Variants in ZNF185 observed in about 807,000 individuals in gnomAD.
ZNF185 encodes the protein zinc finger protein 185.
ZNF185 carries 56 observed loss-of-function variants against 58.6 expected under a neutral mutation model. The observed-to-expected ratio is 0.95, with a 90% CI of 0.77 to 1.19. The LOEUF is 1.19. Ranked by LOEUF, ZNF185 falls within the 50% of genes most tolerant of loss-of-function variation. The probability of loss-of-function intolerance (pLI) is 0.00; values close to 1 mark genes in which losing one functional copy is unlikely to be tolerated. For missense variants in ZNF185, 627 were observed against 573.5 expected, an observed-to-expected ratio of 1.09 and a Z score of -0.95; for synonymous variants, 230 against 215.9, an observed-to-expected ratio of 1.07 and a Z score of -0.57.
In ZNF185 at chrX:152,945,598, G is replaced by C. The variant is rs111961915; in HGVS notation, c.1409+134G>C. On this transcript the variant is annotated intron_variant, in intron 16 of 22. Coordinates refer to ENST00000449285, the Ensembl canonical transcript of ZNF185. ...TTGCACACCCAGGCTCCTGTTCTGTGAGTGGGTCATGGTGATTCCCTGGTC... is the reference window on the plus strand; with the variant it reads ...TTGCACACCCAGGCTCCTGTTCTGTCAGTGGGTCATGGTGATTCCCTGGTC... 0.015 allele frequency: 10,935 copies of C among 740,964 alleles called. 757 individuals carry two copies. In the African/African-American group the frequency reaches 0.21, roughly 14 times the overall value. The allele number at this position is 740,964 out of a possible 1,213,427, so 61.1% of individuals were successfully genotyped here.
chrX:152,921,674 G>C (rs1939757151), intron 9 of ZNF185, among the ~76,000 whole-genome samples: 1 of 111,339 alleles, frequency 9.0e-6, no homozygotes, highest in African/African-American at 3.3e-5. Context: ...TAGCAGGGTG[G>C]GTTCCTTCTG....
the ZNF185 span, among the ~76,000 whole-genome samples, chrX:152,906,647 CTGA>C: frequency 8.9e-6 from 1 of 112,739 alleles, no homozygotes; most frequent in African/African-American, 3.2e-5. Flanking sequence ...CCACACAGAT[CTGA>C]GCTGTGAGTG....
At chrX:152,899,706 A>G in the ZNF185 span, among the ~76,000 whole-genome samples, 1 of 111,919 alleles carries the variant, frequency 8.9e-6, no homozygotes. Context: ...GCATGAAAAC[A>G]TTAGGGGTTC....
At chrX:152,921,329 G>A (rs1292155742) in intron 9 of ZNF185, among the ~76,000 whole-genome samples, 3 of 111,517 alleles carry the variant, frequency 2.7e-5, no homozygotes, top group Non-Finnish European at 5.7e-5. Flanking sequence ...TGAGTGGACA[G>A]GGAAGGCCTC....
chrX:152,936,015 C>G (rs1352254485), intron 14 of ZNF185, among the ~76,000 whole-genome samples: 1 of 112,564 alleles, frequency 8.9e-6, no homozygotes, highest in Non-Finnish European at 1.9e-5. Context: ...CCTGTGGTAA[C>G]AGGAACACAT....
chrX:152,935,389 C>T (rs934915823), intron 14 of ZNF185, among the ~76,000 whole-genome samples: 4 of 109,489 alleles, frequency 3.7e-5, no homozygotes, highest in Admixed American at 9.7e-5. Flanking sequence ...GCGCCCGCCA[C>T]CACGCCCGGC....
chrX:152,905,901 G>T, the ZNF185 span, among the ~76,000 whole-genome samples: 2 of 111,687 alleles, frequency 1.8e-5, no homozygotes, highest in Non-Finnish European at 3.8e-5. Flanking sequence ...CCCTCCAGGG[G>T]AGCTACCTGG....
At chrX:152,946,785 A>G (rs904429544) in intron 16 of ZNF185, among the ~76,000 whole-genome samples, 2 of 111,937 alleles carry the variant, frequency 1.8e-5, no homozygotes, top group Non-Finnish European at 3.8e-5. Context: ...CCAGTCAGGT[A>G]GCCATCACAA....
upstream of ZNF185, among the ~76,000 whole-genome samples, chrX:152,911,633 C>CATCCCATCCCATCCA (rs1569487100): frequency 8.3e-5 from 5 of 60,594 alleles, no homozygotes; most frequent in African/African-American, 3.3e-4. Context: ...CGCCCCATCC[C>CATCCCATCCCATCCA]ATCCCATCCC....
chrX:152,940,074 T>C (rs1209130343), intron 15 of ZNF185, among the ~76,000 whole-genome samples: 1 of 111,675 alleles, frequency 9.0e-6, no homozygotes, highest in Non-Finnish European at 1.9e-5. Context: ...TGAGCCACTG[T>C]GCCTGGCCAA....
the ZNF185 span, among the ~76,000 whole-genome samples, chrX:152,901,978 T>C: frequency 8.9e-6 from 1 of 112,271 alleles, no homozygotes; most frequent in Non-Finnish European, 1.9e-5. Context: ...GTCTAGGCTT[T>C]TCCTGTTGGG....
chrX:152,947,098 G>A (rs1277408000), intron 16 of ZNF185, among the ~76,000 whole-genome samples: 3 of 112,205 alleles, frequency 2.7e-5, no homozygotes, highest in Non-Finnish European at 3.8e-5. Flanking sequence ...AGGTAAAAGC[G>A]GGCTTGGCGT....
chrX:152,962,435 C>T (rs1556911015), intron 17 of ZNF185, among the ~76,000 whole-genome samples: 1 of 111,842 alleles, frequency 8.9e-6, no homozygotes, highest in Admixed American at 9.4e-5. Flanking sequence ...TGCGCCGTCC[C>T]CTTCAGTATT....
chrX:152,967,880 A>G (rs2050269296), intron 20 of ZNF185, among the ~76,000 whole-genome samples: 1 of 112,135 alleles, frequency 8.9e-6, no homozygotes, highest in Non-Finnish European at 1.9e-5. Flanking sequence ...AAAATGGAAT[A>G]AATAGCCTTC....
chrX:152,911,146 C>A (rs1406557472), upstream of ZNF185, among the ~76,000 whole-genome samples: 3 of 111,730 alleles, frequency 2.7e-5, no homozygotes, highest in African/African-American at 9.8e-5. Context: ...GGGAGGGGAG[C>A]ACCCAGTAGG....
chrX:152,917,251 G>A, intron 4 of ZNF185, 34 bp from the exon 6 acceptor site: 3 of 1,210,983 alleles, frequency 2.5e-6, no homozygotes, highest in Non-Finnish European at 3.4e-6. Context: ...GTCCCTCCAG[G>A]GAGCTCACCG....
chrX:152,910,676 C>T (rs1241849031), upstream of ZNF185, among the ~76,000 whole-genome samples: 1 of 112,427 alleles, frequency 8.9e-6, no homozygotes, highest in African/African-American at 3.2e-5. Context: ...TACATCTTTG[C>T]TGTACTCGTG....
chrX:152,942,952 C>T (rs2047392648), intron 15 of ZNF185, among the ~76,000 whole-genome samples: 1 of 111,466 alleles, frequency 9.0e-6, no homozygotes, highest in Non-Finnish European at 1.9e-5. Flanking sequence ...CAAATATTAT[C>T]TATATCTATA....
chrX:152,925,824 G>A (rs1387572025), intron 11 of ZNF185, among the ~76,000 whole-genome samples: 1 of 112,217 alleles, frequency 8.9e-6, no homozygotes, highest in Non-Finnish European at 1.9e-5. Flanking sequence ...AGAGGAGAAT[G>A]TCACAGCCTT....
Sources: allele counts gnomAD v4.1 joint callset (sites outside exome capture counted in the v4.1 genomes callset), GRCh38; gene constraint gnomAD v4.1.1; transcripts MANE v1.5; gene names NCBI Gene and HGNC (gene_info 2026-07-23, HGNC 2026-07-21).